The following SVOPL variants were observed in gnomAD, a reference collection of about 807,000 sequenced individuals.
SVOPL encodes SVOP like, also known as putative transporter SVOPL.
In SVOPL, 60 loss-of-function variants were observed where a neutral mutation model predicts 61.0. The ratio of observed to expected loss-of-function variants is 0.98; its 90% CI spans 0.80 to 1.22. The LOEUF is 1.22. Among genes scored for constraint, SVOPL ranks in the 50% most tolerant of loss-of-function variants. The pLI, the probability that SVOPL is intolerant of heterozygous loss-of-function variation, is 0.00. For synonymous variants in SVOPL, 279 were observed against 250.0 expected, an observed-to-expected ratio of 1.12 and a Z score of -1.09; for missense variants, 662 against 643.9, an observed-to-expected ratio of 1.03 and a Z score of -0.30.
chr7:138,673,296 T>G (rs1802476656), intron 3 of SVOPL, among the ~76,000 whole-genome samples: 2 of 152,302 alleles, frequency 1.3e-5, no homozygotes, highest in Admixed American at 1.3e-4. Flanking sequence ...ATTATAGTGG[T>G]GTCCAGAGTT....
intron 3 of SVOPL, among the ~76,000 whole-genome samples, chr7:138,675,201 G>C (rs1167382447): frequency 6.7e-6 from 1 of 148,344 alleles, no homozygotes; most frequent in Admixed American, 6.7e-5. Flanking sequence ...AGGAGTTTGA[G>C]ACCAGCCTAG....
rs537008925 is a variant in SVOPL, at chr7:138,682,068, C to T, written c.-34-2989G>A. On this transcript the variant is annotated intron_variant, in intron 1 of 15. Coordinates refer to ENST00000674285, the MANE Select transcript of SVOPL (RefSeq NM_001139456.2). ...GACTTTTTTGTACAAATTGTCTGTA[C>T]ATCAGGGTAACAAAACAGTTGCTGA... Among the ~76,000 whole-genome samples, 11 of 152,196 alleles carry T rather than the reference C, an allele frequency of 7.2e-5. No homozygotes were observed. The East Asian group carries it at 1.2e-3, about 16-fold the overall frequency.
intron 1 of SVOPL, among the ~76,000 whole-genome samples, chr7:138,682,984 A>ATT (rs1423925786): frequency 6.9e-6 from 1 of 145,764 alleles, no homozygotes; most frequent in East Asian, 2.0e-4. Flanking sequence ...AAAAAAAAAG[A>ATT]AAAAAAAAAG....
intron 1 of SVOPL, among the ~76,000 whole-genome samples, chr7:138,692,978 C>T (rs1048702210): frequency 2.6e-5 from 4 of 151,988 alleles, no homozygotes; most frequent in African/African-American, 9.7e-5. Flanking sequence ...CTAAAGTTCA[C>T]ATAATAAGGA....
At chr7:138,621,826 CTATG>C (rs1278768512) in intron 13 of SVOPL, among the ~76,000 whole-genome samples, 21 of 10,100 alleles carry the variant, frequency 2.1e-3, no homozygotes, top group South Asian at 5.1e-3. Context: ...ATCTATGTAT[CTATG>C]TATCTATCTA....
chr7:138,635,659 C>A (rs1206024534), intron 9 of SVOPL, among the ~76,000 whole-genome samples: 1 of 152,074 alleles, frequency 6.6e-6, no homozygotes, highest in Non-Finnish European at 1.5e-5. Context: ...GGGATGAACA[C>A]GTGGAGATGG....
At chr7:138,700,085 G>C (rs934548538) in intron 1 of SVOPL, among the ~76,000 whole-genome samples, 2 of 152,134 alleles carry the variant, frequency 1.3e-5, no homozygotes, top group Non-Finnish European at 2.9e-5. Context: ...ACCTTGGAAA[G>C]GGGCTTACTC....
At chr7:138,697,699 G>A (rs183531658) in intron 1 of SVOPL, among the ~76,000 whole-genome samples, 9 of 148,978 alleles carry the variant, frequency 6.0e-5, no homozygotes, top group African/African-American at 1.5e-4. Context: ...AGAAGAAGAG[G>A]AAGAAGGATA....
At chr7:138,690,703 A>G (rs1466188707) in intron 1 of SVOPL, among the ~76,000 whole-genome samples, 1 of 152,016 alleles carries the variant, frequency 6.6e-6, no homozygotes, top group Non-Finnish European at 1.5e-5. Context: ...CTGGAATTCT[A>G]CCATGGTGAT....
At chr7:138,676,934 C>G (rs1330487191) in intron 3 of SVOPL, among the ~76,000 whole-genome samples, 3 of 113,074 alleles carry the variant, frequency 2.7e-5, no homozygotes, top group African/African-American at 1.1e-4. Flanking sequence ...GATGAAGTCT[C>G]GCTCTGTCAT....
intron 13 of SVOPL, among the ~76,000 whole-genome samples, chr7:138,622,206 C>CTATCTATCTATG (rs1799676561): frequency 4.6e-5 from 3 of 65,610 alleles, no homozygotes; most frequent in African/African-American, 1.4e-4. Flanking sequence ...ATCTATGTAT[C>CTATCTATCTATG]TATCTATCTA....
intron 10 of SVOPL, 66 bp from the exon 11 acceptor site, chr7:138,628,429 G>A (rs1799999087): frequency 7.8e-6 from 12 of 1,529,466 alleles, no homozygotes. Context: ...AGTGGGGAGG[G>A]GATACCAAGT....
At chr7:138,663,548 C>T (rs1802102829) in intron 4 of SVOPL, 1 of 996,828 alleles carries the variant, frequency 1.0e-6, no homozygotes, top group Non-Finnish European at 1.2e-6. Context: ...TACAAATAGA[C>T]ATAACTTTAA....
chr7:138,687,144 A>G (rs185806693), intron 1 of SVOPL, among the ~76,000 whole-genome samples: 2 of 151,690 alleles, frequency 1.3e-5, no homozygotes, highest in East Asian at 3.9e-4. Context: ...CAATTCTAAA[A>G]CTACTGCTCC....
At chr7:138,661,668 C>T in intron 5 of SVOPL, 1 of 935,980 alleles carries the variant, frequency 1.1e-6, no homozygotes, top group Non-Finnish European at 1.3e-6. Flanking sequence ...CAGCTGATAG[C>T]ATACCTTATT....
rs1802434203 is a variant in SVOPL, at chr7:138,672,070, G to A, written c.222C>T (p.Val74=). 6.4e-7 allele frequency: 1 copy of A among 1,551,684 alleles called. No homozygotes were observed. The highest frequency in any genetic ancestry group is 8.7e-7 in the Non-Finnish European group (1 of 1,147,000). The change falls in exon 4 of 16, where the codon GTC becomes GTT. Residue 74 remains valine, a synonymous_variant. Transcript: ENST00000674285. ...TCTCCAGTTGCCATTCACAGCGGAT[G>A]ACAGGAGACACAACAGCTATCAACA... ...EIMLIAVVSP[V]IRCEWQLENW...
intron 1 of SVOPL, among the ~76,000 whole-genome samples, chr7:138,690,933 C>T (rs542373205): frequency 3.3e-5 from 5 of 152,024 alleles, no homozygotes; most frequent in Admixed American, 6.6e-5. Flanking sequence ...TCACCATGCC[C>T]GACTAATTTT....
intron 14 of SVOPL, among the ~76,000 whole-genome samples, chr7:138,599,541 G>C (rs996269278): frequency 6.6e-6 from 1 of 152,102 alleles, no homozygotes; most frequent in Non-Finnish European, 1.5e-5. Context: ...TCATTGTTTT[G>C]TTGCTTTTTA....
chr7:138,622,943 A>G (rs1799736892), intron 13 of SVOPL, among the ~76,000 whole-genome samples: 1 of 152,168 alleles, frequency 6.6e-6, no homozygotes, highest in South Asian at 2.1e-4. Flanking sequence ...ATGTTGGAAC[A>G]TTTTCTTAGT....
Sources: gnomAD v4.1 joint callset for allele counts (sites outside exome capture counted in the v4.1 genomes callset) on GRCh38, gnomAD v4.1.1 for gene constraint, MANE v1.5 for transcripts, NCBI Gene and HGNC (gene_info 2026-07-23, HGNC 2026-07-21) for gene names.